ADK: variants seen among roughly 807,000 people sequenced by gnomAD.
The protein encoded by ADK is adenosine kinase, also known as N6,N6-dimethyladenosine kinase.
Under a neutral mutation model 44.7 loss-of-function variants are expected in ADK, and 24 were observed. The observed-to-expected ratio is 0.54, with a 90% CI of 0.39 to 0.76. ADK has a LOEUF of 0.76. ADK is among the 30% of genes least tolerant of loss of function. The pLI is 0.00. For missense variants in ADK, 321 were observed against 425.1 expected, an observed-to-expected ratio of 0.76 and a Z score of 2.15; for synonymous variants, 128 against 142.6, an observed-to-expected ratio of 0.90 and a Z score of 0.73.
chr10:74,509,056 C>G (rs1205144624), intron 6 of ADK, among the ~76,000 whole-genome samples: 1 of 152,186 alleles, frequency 6.6e-6, no homozygotes, highest in Non-Finnish European at 1.5e-5. Context: ...CCTTGAACTC[C>G]TGGCCTCACC....
At chr10:74,158,158 T>C (rs993815375) in intron 1 of ADK, among the ~76,000 whole-genome samples, 1 of 152,174 alleles carries the variant, frequency 6.6e-6, no homozygotes, top group East Asian at 1.9e-4. Flanking sequence ...ATAGTGGGCA[T>C]CTTTAGGTGG....
chr10:74,382,674 A>T (rs924514654), intron 4 of ADK, among the ~76,000 whole-genome samples: 1 of 152,166 alleles, frequency 6.6e-6, no homozygotes. Context: ...TTTTAAAATT[A>T]TAAGATACAG....
chr10:74,589,456 T>C lies in ADK; in HGVS notation c.762+139T>C, dbSNP rs919135377. On this transcript the variant is annotated intron_variant, in intron 8 of 10. Transcript: ENST00000539909. The stretch of plus-strand genomic sequence containing the variant: ...AGTTGCCATGGAAACTTGGCAGTCG[T>C]CATGGTTTCTTTGTTCTGCCAGCAC... The C allele has an allele frequency of 2.8e-5, 24 of 871,660 alleles. No homozygotes were observed. The Admixed American group carries it at 4.3e-4, about 16-fold the overall frequency. The allele number at this position is 871,660 out of a possible 1,614,324, so 54.0% of individuals were successfully genotyped here. A position where few individuals can be genotyped will look rare whatever the true frequency, so the allele number is the denominator to read the frequency against.
intron 4 of ADK, among the ~76,000 whole-genome samples, chr10:74,347,634 A>T (rs1841822986): frequency 6.6e-6 from 1 of 151,888 alleles, no homozygotes; most frequent in African/African-American, 2.4e-5. Context: ...AGAGGGTCCC[A>T]CTCCCACGGA....
Position 74,689,985 on chromosome 10 carries a change from G to T in ADK, c.965-18336G>T, listed in dbSNP as rs149683777. On this transcript the variant is annotated intron_variant, in intron 10 of 10. Transcript: ENST00000539909. ...TCTGATTTAGTAGGTCCGTGATGGG[G>T]CTTAAGTGATACTGAAGCAGCTGGT... Among the ~76,000 whole-genome samples, 1,085 of 152,288 alleles carry T rather than the reference G, an allele frequency of 7.1e-3. 8 individuals are homozygous for T. The highest frequency in any genetic ancestry group is 0.025 in the African/African-American group (1,050 of 41,552).
At chr10:74,496,465 C>T (rs767842171) in intron 6 of ADK, among the ~76,000 whole-genome samples, 1 of 152,222 alleles carries the variant, frequency 6.6e-6, no homozygotes, top group Non-Finnish European at 1.5e-5. Flanking sequence ...ATTCTCTCTC[C>T]TGCCACCTTG....
chr10:74,638,164 T>C (rs1214826320), intron 9 of ADK, among the ~76,000 whole-genome samples: 1 of 152,230 alleles, frequency 6.6e-6, no homozygotes. Flanking sequence ...TGTAATACAC[T>C]TTATTAAGAT....
At chr10:74,195,539 AATG>A (rs1254609221) in intron 1 of ADK, among the ~76,000 whole-genome samples, 2 of 152,004 alleles carry the variant, frequency 1.3e-5, no homozygotes, top group Non-Finnish European at 2.9e-5. Flanking sequence ...GCTGGAGTGC[AATG>A]GTGCAATTAC....
At chr10:74,247,224 G>GTTTTTTTTTTTTTTTT (rs142274121) in intron 3 of ADK, among the ~76,000 whole-genome samples, 11 of 72,004 alleles carry the variant, frequency 1.5e-4, no homozygotes, top group Admixed American at 2.3e-4. Flanking sequence ...TTTTTTTTAA[G>GTTTTTTTTTTTTTTTT]TTTTTTTTTT....
chr10:74,328,451 G>T (rs549936267), intron 4 of ADK, among the ~76,000 whole-genome samples: 1 of 152,210 alleles, frequency 6.6e-6, no homozygotes, highest in Non-Finnish European at 1.5e-5. Context: ...GGGTGTTGCA[G>T]TCAAAGCACC....
chr10:74,442,589 C>A (rs930848689), intron 6 of ADK, among the ~76,000 whole-genome samples: 1 of 152,020 alleles, frequency 6.6e-6, no homozygotes, highest in African/African-American at 2.4e-5. Flanking sequence ...GAGGTTGCAG[C>A]GAGCTGAGAA....
At chr10:74,636,142 A>G (rs984075945) in intron 9 of ADK, among the ~76,000 whole-genome samples, 1 of 152,166 alleles carries the variant, frequency 6.6e-6, no homozygotes, top group East Asian at 1.9e-4. Flanking sequence ...TTTTTTAATT[A>G]CAATCTAACA....
chr10:74,304,184 T>A (rs1840172451), intron 3 of ADK, among the ~76,000 whole-genome samples: 1 of 152,174 alleles, frequency 6.6e-6, no homozygotes, highest in Admixed American at 6.5e-5. Flanking sequence ...TTGTATCAAG[T>A]GTCTTACAAG....
intron 4 of ADK, among the ~76,000 whole-genome samples, chr10:74,355,168 G>C (rs1842093402): frequency 1.3e-5 from 2 of 152,024 alleles, no homozygotes; most frequent in South Asian, 4.1e-4. Context: ...TTATTATTTG[G>C]CTAAGCTCAC....
chr10:74,607,402 A>G (rs1489867177), intron 9 of ADK, among the ~76,000 whole-genome samples: 2 of 152,166 alleles, frequency 1.3e-5, no homozygotes, highest in Non-Finnish European at 2.9e-5. Flanking sequence ...TGCTTCCTTC[A>G]GGAGCTCTTG....
At chr10:74,214,181 C>A (rs1409436392) in intron 2 of ADK, among the ~76,000 whole-genome samples, 1 of 152,152 alleles carries the variant, frequency 6.6e-6, no homozygotes, top group Non-Finnish European at 1.5e-5. Flanking sequence ...TACTCTTAAT[C>A]TATTTCTTTA....
At chr10:74,685,166 A>G (rs1855743658) in intron 10 of ADK, among the ~76,000 whole-genome samples, 1 of 152,230 alleles carries the variant, frequency 6.6e-6, no homozygotes, top group South Asian at 2.1e-4. Context: ...ATTTATTAAA[A>G]ATAAGTTTGA....
chr10:74,239,122 C>T (rs984899726), intron 3 of ADK, among the ~76,000 whole-genome samples: 2 of 151,810 alleles, frequency 1.3e-5, no homozygotes, highest in Non-Finnish European at 2.9e-5. Flanking sequence ...CATACTTCTA[C>T]TTTCTTCTGA....
chr10:74,287,190 C>T (rs929737460), intron 3 of ADK, among the ~76,000 whole-genome samples: 4 of 152,040 alleles, frequency 2.6e-5, no homozygotes, highest in South Asian at 4.1e-4. Flanking sequence ...CTTGGCCGGG[C>T]GCAGTGGCTC....
Sources: allele counts gnomAD v4.1 joint callset (sites outside exome capture counted in the v4.1 genomes callset), GRCh38; gene constraint gnomAD v4.1.1; transcripts MANE v1.5; gene names NCBI Gene and HGNC (gene_info 2026-07-23, HGNC 2026-07-21).